SNX10: variants seen among roughly 807,000 people sequenced by gnomAD.
SNX10 encodes the protein sorting nexin-10.
SNX10 carries 25 observed loss-of-function variants against 28.5 expected under a neutral mutation model. The observed-to-expected ratio is 0.88, with a 90% confidence interval of 0.64 to 1.22. The LOEUF (loss-of-function observed/expected upper bound fraction) is 1.22, where lower values mean the gene tolerates loss of function less well. Ranked by LOEUF, SNX10 falls within the 50% of genes most tolerant of loss-of-function variation. The pLI is 0.00. For missense variants in SNX10, 223 were observed against 242.6 expected, an observed-to-expected ratio of 0.92 and a Z score of 0.54; for synonymous variants, 62 against 81.4, an observed-to-expected ratio of 0.76 and a Z score of 1.28.
At chr7:26,299,781 G>C (rs939402987) in intron 1 of SNX10, among the ~76,000 whole-genome samples, 2 of 152,078 alleles carry the variant, frequency 1.3e-5, no homozygotes, top group Non-Finnish European at 2.9e-5. Flanking sequence ...AAAAGTGCAG[G>C]CTGTGTGCAG....
chr7:26,326,947 ATCTT>A (rs1272233923), intron 1 of SNX10, among the ~76,000 whole-genome samples: 2 of 128,876 alleles, frequency 1.6e-5, no homozygotes, highest in African/African-American at 6.0e-5. Context: ...TGTGTTAATT[ATCTT>A]TTTTTTTTTT....
At chr7:26,306,373 CATT>C (rs1437885245) in intron 1 of SNX10, among the ~76,000 whole-genome samples, 2 of 151,654 alleles carry the variant, frequency 1.3e-5, no homozygotes, top group African/African-American at 4.8e-5. Flanking sequence ...GCTCCCTAAA[CATT>C]ATTATCCTAT....
At chr7:26,351,598 C>T (rs1255234186) in intron 2 of SNX10, among the ~76,000 whole-genome samples, 2 of 145,000 alleles carry the variant, frequency 1.4e-5, no homozygotes, top group Admixed American at 1.4e-4. Flanking sequence ...GATCCTGGAA[C>T]AACAGATTAA....
chr7:26,362,168 A>C (rs1473259587), intron 3 of SNX10, among the ~76,000 whole-genome samples: 2 of 152,216 alleles, frequency 1.3e-5, no homozygotes, highest in Non-Finnish European at 2.9e-5. Context: ...TTGTGTTGTA[A>C]AGCCATTCCA....
chr7:26,363,193 CG>C (rs1188000368), intron 3 of SNX10, among the ~76,000 whole-genome samples: 2 of 152,144 alleles, frequency 1.3e-5, no homozygotes, highest in African/African-American at 4.8e-5. Context: ...CTCCTTCCAG[CG>C]GGTTTTGCTG....
intron 1 of SNX10, among the ~76,000 whole-genome samples, chr7:26,341,364 A>G (rs1011291048): frequency 1.3e-5 from 2 of 152,172 alleles, no homozygotes; most frequent in African/African-American, 4.8e-5. Context: ...ATGGGTGGCC[A>G]TCCAGGTGTG....
chr7:26,345,774 G>T (rs1788359317), intron 1 of SNX10, among the ~76,000 whole-genome samples: 1 of 152,154 alleles, frequency 6.6e-6, no homozygotes, highest in South Asian at 2.1e-4. Flanking sequence ...TTTGCTTTTT[G>T]TTTTTGGCAG....
At chr7:26,372,120 C>T (rs534843919) in intron 6 of SNX10, 87 bp downstream of exon 6, 6 of 855,394 alleles carry the variant, frequency 7.0e-6, no homozygotes, top group African/African-American at 1.7e-5. Context: ...TATATACACA[C>T]TTCACTTTTT....
At chr7:26,295,993 G>A (rs1786092712) in intron 1 of SNX10, among the ~76,000 whole-genome samples, 2 of 152,234 alleles carry the variant, frequency 1.3e-5, no homozygotes, top group African/African-American at 2.4e-5. Context: ...CCCTGGGCCG[G>A]GTGTGGTGGC....
intron 1 of SNX10, 133 bp downstream of exon 1, chr7:26,292,219 T>G (rs1271661792): frequency 1.3e-5 from 2 of 152,162 alleles, no homozygotes. Flanking sequence ...GGAAAGAGGT[T>G]TGGGTCCCTT....
At chr7:26,361,113 C>T (rs749935131) in intron 3 of SNX10, 52 bp downstream of exon 3, 16 of 1,520,604 alleles carry the variant, frequency 1.1e-5, no homozygotes, top group Admixed American at 2.1e-5. Context: ...TTATGGGATA[C>T]ATTTTATGGG....
intron 1 of SNX10, among the ~76,000 whole-genome samples, chr7:26,296,857 A>G (rs570768854): frequency 2.0e-4 from 30 of 152,282 alleles, no homozygotes; most frequent in African/African-American, 7.2e-4. Context: ...AAAATTTTAG[A>G]AAGTATATAT....
In SNX10 at chr7:26,364,486, T is replaced by G; in HGVS notation, c.112-49T>G. 1 of 1,557,256 alleles carries G rather than the reference T, an allele frequency of 6.4e-7. No homozygotes were observed. Among genetic ancestry groups the G allele is most frequent in the Non-Finnish European group, 8.7e-7 (1 of 1,150,546 alleles). ...TATTGTGAATTATAGATACAAGAAA[T>G]GCATTTTTTTCCTCAGGTAAGACTC... is the stretch of plus-strand genomic sequence containing the variant. On this transcript the variant is annotated intron_variant, in intron 3 of 6. Coordinates refer to ENST00000338523, the MANE Select transcript of SNX10 (RefSeq NM_013322.3). The surrounding 1 kb of genome is among the most constrained non-coding windows in gnomAD (Gnocchi z 4.9).
chr7:26,326,333 C>A, intron 1 of SNX10, among the ~76,000 whole-genome samples: 1 of 152,140 alleles, frequency 6.6e-6, no homozygotes, highest in East Asian at 1.9e-4. Context: ...ATCATGTGGT[C>A]CTGGACTAGG....
chr7:26,359,035 A>G (rs1584166857), intron 2 of SNX10, among the ~76,000 whole-genome samples: 1 of 151,508 alleles, frequency 6.6e-6, no homozygotes, highest in African/African-American at 2.4e-5. Context: ...CGAACACCCG[A>G]CCTCTGGTGA....
intron 2 of SNX10, among the ~76,000 whole-genome samples, chr7:26,353,459 T>TTTG (rs1554359898): frequency 1.7e-5 from 1 of 58,408 alleles, no homozygotes; most frequent in Non-Finnish European, 4.4e-5. Flanking sequence ...TTTTTTTTTT[T>TTTG]TGGTGGGGAG....
chr7:26,366,881 G>C (rs1458410570), intron 5 of SNX10, among the ~76,000 whole-genome samples: 1 of 152,216 alleles, frequency 6.6e-6, no homozygotes, highest in African/African-American at 2.4e-5. Flanking sequence ...TTCAGCCATA[G>C]TGGGGTTATG....
chr7:26,335,235 A>G (rs1200255478), intron 1 of SNX10, among the ~76,000 whole-genome samples: 1 of 152,148 alleles, frequency 6.6e-6, no homozygotes, highest in Non-Finnish European at 1.5e-5. Flanking sequence ...TTTTATCTAC[A>G]TCATGGCTCA....
chr7:26,318,860 G>A (rs992934099), intron 1 of SNX10, among the ~76,000 whole-genome samples: 2 of 152,130 alleles, frequency 1.3e-5, no homozygotes, highest in Non-Finnish European at 2.9e-5. Flanking sequence ...TCTAGTAGCT[G>A]TATGAAAGAG....
Sources: allele counts gnomAD v4.1 joint callset (sites outside exome capture counted in the v4.1 genomes callset), GRCh38; gene constraint gnomAD v4.1.1; non-coding constraint Gnocchi (gnomAD v3.1); transcripts MANE v1.5; gene names NCBI Gene and HGNC (gene_info 2026-07-23, HGNC 2026-07-21).